The following MCF2L variants were observed in gnomAD, a reference collection of about 807,000 sequenced individuals.
MCF2L encodes the protein guanine nucleotide exchange factor DBS.
Under a neutral mutation model 153.4 loss-of-function variants are expected in MCF2L, and 97 were observed. The ratio of observed to expected loss-of-function variants is 0.63; its 90% confidence interval spans 0.54 to 0.75. The LOEUF (loss-of-function observed/expected upper bound fraction) is 0.75. Ranked by LOEUF, MCF2L falls within the 30% of genes least tolerant of loss-of-function variation. The pLI, the probability that MCF2L is intolerant of heterozygous loss-of-function variation, is 0.00. For synonymous variants in MCF2L, 659 were observed against 632.2 expected (o/e 1.04, Z -0.64); for missense variants, 1,347 against 1,495.2 (o/e 0.90, Z 1.64).
rs1566771621 is a variant in MCF2L at position 113,032,981 on chromosome 13, ATGTGAGTGG to A, written c.278+8224_278+8232del. On this transcript the variant is annotated intron_variant, in intron 3 of 29. Coordinates refer to ENST00000535094, the MANE Select transcript of MCF2L (RefSeq NM_001112732.3). ...CCCCGTGATGTGAGTGGACCCTGTG[ATGTGAGTGG>A]CCCCCGTGATGTGAGTGGCCCCCGT... is the stretch of plus-strand genomic sequence containing the variant. Among the ~76,000 whole-genome samples the A allele has an allele frequency of 9.8e-3, 1,431 of 145,882 alleles. 38 individuals carry two copies. Among genetic ancestry groups the A allele is most frequent in the African/African-American group, 0.035 (1,360 of 38,812 alleles).
chr13:113,076,484 C>T (rs1050225684), intron 12 of MCF2L, among the ~76,000 whole-genome samples: 9 of 152,060 alleles, frequency 5.9e-5, no homozygotes, highest in African/African-American at 1.9e-4. Flanking sequence ...AGGCTGGTCT[C>T]GAACTCCTGA....
At chr13:112,956,193 G>C (rs1056190164) in intron 2 of MCF2L, 1 of 157,388 alleles carries the variant, frequency 6.4e-6, no homozygotes, top group Admixed American at 6.4e-5. Flanking sequence ...GCGCAGGCAC[G>C]GGAGTGGCAG....
chr13:112,977,263 C>T (rs1336390340), intron 1 of MCF2L, among the ~76,000 whole-genome samples: 1 of 152,210 alleles, frequency 6.6e-6, no homozygotes, highest in Non-Finnish European at 1.5e-5. Flanking sequence ...TCACAAAAGT[C>T]AACCCACTTC....
At chr13:112,910,658 G>A (rs1019425925) in intron 2 of MCF2L, 6 of 152,182 alleles carry the variant, frequency 3.9e-5, no homozygotes, top group Admixed American at 3.3e-4. Flanking sequence ...TTCTGCATGA[G>A]GAAACCTTCT....
intron 2 of MCF2L, chr13:112,909,979 G>C (rs958315637): frequency 6.6e-6 from 1 of 152,206 alleles, no homozygotes; most frequent in Non-Finnish European, 1.5e-5. Context: ...CCTTAAAACT[G>C]TTCCTGAGAA....
intron 2 of MCF2L, among the ~76,000 whole-genome samples, chr13:112,934,583 T>TGCTG (rs1555351939): frequency 6.6e-6 from 1 of 152,206 alleles, no homozygotes; most frequent in South Asian, 2.1e-4. Context: ...CTGCTGCTGG[T>TGCTG]CTGGAGACCC....
At chr13:112,922,355 A>C (rs1454687840) in intron 2 of MCF2L, among the ~76,000 whole-genome samples, 1 of 152,210 alleles carries the variant, frequency 6.6e-6, no homozygotes, top group Non-Finnish European at 1.5e-5. Context: ...TTTCAGTGCA[A>C]CTTAAACTGC....
At position 113,053,638 on chromosome 13, in the gene MCF2L, C is replaced by T. The variant is rs1029726383; in HGVS notation, c.370-6955C>T. On this transcript the variant is annotated intron_variant, in intron 4 of 29. Transcript: ENST00000535094. This position sits in a 1 kb window ranked among gnomAD's most constrained non-coding sequence, Gnocchi z 4.4. ...GGCGAAGGTCCCGTGGCTGAGGTGT[C>T]CACTGACCGTTTCTGCCTGAATGGG... 2.6e-5 allele frequency among the ~76,000 whole-genome samples: 4 copies of T among 152,160 alleles called. No homozygotes were observed. Among genetic ancestry groups the T allele is most frequent in the African/African-American group, 9.7e-5 (4 of 41,442 alleles).
intron 26 of MCF2L, 54 bp from the exon 27 acceptor site, chr13:113,094,460 T>C: frequency 6.4e-7 from 1 of 1,561,914 alleles, no homozygotes; most frequent in Non-Finnish European, 8.7e-7. Context: ...CTCAGACAGA[T>C]GCAGACAGCG....
chr13:112,940,962 A>G (rs1376156968), intron 2 of MCF2L, among the ~76,000 whole-genome samples: 1 of 152,042 alleles, frequency 6.6e-6, no homozygotes, highest in Non-Finnish European at 1.5e-5. Flanking sequence ...TCCTCCTTGT[A>G]CAGTCCTGGA....
chr13:112,907,142 G>T lies in MCF2L; in HGVS notation c.169+4771G>T, dbSNP rs1387407269. Among the ~76,000 whole-genome samples the T allele has an allele frequency of 6.6e-6, 1 of 152,120 alleles. No homozygotes were observed. Among genetic ancestry groups the T allele is most frequent in the Non-Finnish European group, 1.5e-5 (1 of 68,028 alleles). ...TAGGAGATTACACAGGATTCTGAGGGGGGACCTTGTCTCCACCTGGGGGCA... is the reference window on the plus strand; with the variant it reads ...TAGGAGATTACACAGGATTCTGAGGTGGGACCTTGTCTCCACCTGGGGGCA... On this transcript the variant is annotated intron_variant, in intron 2 of 29. Coordinates refer to the MCF2L transcript ENST00000375608. This position sits in a 1 kb window ranked among gnomAD's most constrained non-coding sequence, Gnocchi z 5.1.
chr13:113,078,652 GT>G lies in MCF2L; in HGVS notation c.1735-9del, dbSNP rs2033776051. Reference sequence around the variant, plus strand: ...CGTCCCGCCTTTCAGACCTGACGCTGTTTTTCTCCCCAGAGTGAGATGAGTG... The same window carrying G: ...CGTCCCGCCTTTCAGACCTGACGCTGTTTTCTCCCCAGAGTGAGATGAGTG... On this transcript the variant is annotated splice_polypyrimidine_tract_variant and intron_variant, in intron 14 of 29. Coordinates refer to ENST00000535094, the MANE Select transcript of MCF2L (RefSeq NM_001112732.3). 1.2e-6 allele frequency: 2 copies of G among 1,611,084 alleles called. No individual in the cohort carries two copies. The highest frequency in any genetic ancestry group is 3.3e-5 in the Admixed American group (2 of 59,860).
intron 2 of MCF2L, among the ~76,000 whole-genome samples, chr13:112,936,857 G>A (rs114061783): frequency 5.7e-4 from 87 of 152,170 alleles, no homozygotes; most frequent in African/African-American, 2.0e-3. Context: ...CTAATACAAT[G>A]TAAATGCCGT....
intron 11 of MCF2L, among the ~76,000 whole-genome samples, 184 bp downstream of exon 11, chr13:113,075,373 G>C (rs1183198528): frequency 2.8e-5 from 4 of 140,676 alleles, no homozygotes; most frequent in Non-Finnish European, 6.2e-5. Context: ...ATTTGCCACA[G>C]TTTTATTTCT....
At chr13:112,989,895 A>G (rs1220892582) in intron 1 of MCF2L, among the ~76,000 whole-genome samples, 1 of 152,258 alleles carries the variant, frequency 6.6e-6, no homozygotes, top group Non-Finnish European at 1.5e-5. Flanking sequence ...GGATGGTTTC[A>G]GGGTGAAACG....
Position 112,993,387 on chromosome 13 carries a change from C to G in MCF2L, c.80-21376C>G, listed in dbSNP as rs1399586213. 6.6e-6 allele frequency among the ~76,000 whole-genome samples: 1 copy of G among 152,154 alleles called. No homozygotes were observed. Among genetic ancestry groups the G allele is most frequent in the Non-Finnish European group, 1.5e-5 (1 of 68,028 alleles). On this transcript the variant is annotated intron_variant, in intron 1 of 29. Coordinates refer to ENST00000535094, the MANE Select transcript of MCF2L (RefSeq NM_001112732.3). This position sits in a 1 kb window ranked among gnomAD's most constrained non-coding sequence, Gnocchi z 4.6. ...GAATTTGACTGTTAGCCACAGAGACCGCCAGGAGGGCTTTTAGGAGATATG... is the reference window on the plus strand; with the variant it reads ...GAATTTGACTGTTAGCCACAGAGACGGCCAGGAGGGCTTTTAGGAGATATG...
chr13:112,899,813 C>T (rs1440792895), intron 1 of MCF2L, among the ~76,000 whole-genome samples: 1 of 152,222 alleles, frequency 6.6e-6, no homozygotes, highest in African/African-American at 2.4e-5. Context: ...TGTGACGGGC[C>T]GCGCGTGCCA....
Position 113,028,003 on chromosome 13 carries a change from C to T in MCF2L, c.278+3245C>T, listed in dbSNP as rs946819815. Among the ~76,000 whole-genome samples, 4 of 152,198 alleles carry T rather than the reference C, an allele frequency of 2.6e-5. No individual in the cohort carries two copies. The highest frequency in any genetic ancestry group is 9.7e-5 in the African/African-American group (4 of 41,436). On this transcript the variant is annotated intron_variant, in intron 3 of 29. Coordinates refer to ENST00000535094, the MANE Select transcript of MCF2L (RefSeq NM_001112732.3). The surrounding 1 kb of genome is among the most constrained non-coding windows in gnomAD (Gnocchi z 5.4). ...CCGGCCTGACAGGTACATCCGCCCC[C>T]TGATGGCACCTCCTGGCATGGGGCT...
At chr13:112,975,828 C>T (rs144960111) in intron 1 of MCF2L, among the ~76,000 whole-genome samples, 2 of 152,308 alleles carry the variant, frequency 1.3e-5, no homozygotes, top group African/African-American at 2.4e-5. Context: ...AGGTGACATC[C>T]GTGGTCACTG....
Sources: gnomAD v4.1 joint callset for allele counts (sites outside exome capture counted in the v4.1 genomes callset) on GRCh38, gnomAD v4.1.1 for gene constraint, Gnocchi (gnomAD v3.1) non-coding constraint, MANE v1.5 for transcripts, NCBI Gene and HGNC (gene_info 2026-07-23, HGNC 2026-07-21) for gene names.